The following GALNT9 variants were observed in gnomAD, a reference collection of about 807,000 sequenced individuals.
The protein encoded by GALNT9 is GalNAc transferase 9.
GALNT9 carries 47 observed loss-of-function variants against 63.1 expected under a neutral mutation model. The ratio of observed to expected loss-of-function variants is 0.75; its 90% confidence interval spans 0.59 to 0.95. The LOEUF is 0.95. GALNT9 is among the 40% of genes least tolerant of loss of function. The pLI is 0.00. For missense variants in GALNT9, 829 were observed against 874.8 expected, an observed-to-expected ratio of 0.95 and a Z score of 0.66; for synonymous variants, 396 against 365.7, an observed-to-expected ratio of 1.08 and a Z score of -0.94.
In GALNT9 at chr12:132,316,415, T is replaced by C. The variant is rs905683180; in HGVS notation, c.238+12551A>G. On this transcript the variant is annotated intron_variant, in intron 1 of 10. Transcript: ENST00000328957. This position sits in a 1 kb window ranked among gnomAD's most constrained non-coding sequence, Gnocchi z 4.3. ...TCCTTTAAAAATCTATTTAGTGCTA[T>C]AGCTTCACTAAAAAAGGAAAAAGAA... Among the ~76,000 whole-genome samples the C allele has an allele frequency of 2.6e-5, 4 of 152,142 alleles. No homozygotes were observed. The highest frequency in any genetic ancestry group is 1.3e-4 in the Admixed American group (2 of 15,284).
intron 1 of GALNT9, among the ~76,000 whole-genome samples, chr12:132,322,953 C>T (rs1555246263): frequency 6.6e-6 from 1 of 152,188 alleles, no homozygotes; most frequent in Non-Finnish European, 1.5e-5. Context: ...AAGCCCAGGC[C>T]ACAGGGGCAC....
intron 9 of GALNT9, among the ~76,000 whole-genome samples, chr12:132,198,272 G>A (rs943457312): frequency 2.0e-5 from 3 of 152,268 alleles, no homozygotes; most frequent in Non-Finnish European, 4.4e-5. Flanking sequence ...GTTTCGGGGA[G>A]GACAGGAGTT....
chr12:132,299,827 C>T (rs1881223414), intron 1 of GALNT9, among the ~76,000 whole-genome samples: 1 of 139,978 alleles, frequency 7.1e-6, no homozygotes, highest in Non-Finnish European at 1.5e-5. Flanking sequence ...TCCCACCACA[C>T]CTAACCCACC....
At chr12:132,321,957 A>G (rs1555246186) in intron 1 of GALNT9, among the ~76,000 whole-genome samples, 1 of 66,858 alleles carries the variant, frequency 1.5e-5, no homozygotes, top group Non-Finnish European at 3.0e-5. Flanking sequence ...GGCCCCCTGC[A>G]CCACCCCAGC....
chr12:132,328,517 C>T (rs1555246683), intron 1 of GALNT9, among the ~76,000 whole-genome samples: 1 of 152,212 alleles, frequency 6.6e-6, no homozygotes, highest in Non-Finnish European at 1.5e-5. Context: ...ACTGCACCAG[C>T]AGCCTCCCAA....
Position 132,197,962 on chromosome 12 carries a change from G to A in GALNT9, c.1498-3C>T, listed in dbSNP as rs1280605486. The A allele has an allele frequency of 1.2e-6, 2 of 1,605,020 alleles. No homozygotes were observed. The highest frequency in any genetic ancestry group is 2.7e-5 in the African/African-American group (2 of 74,836). ...CCATCAGCGCTGTACCGCACCAGCT[G>A]GGGACAGGACCACCGGGACTGTGTG... On this transcript the variant is annotated splice_polypyrimidine_tract_variant and splice_region_variant and intron_variant, in intron 9 of 10. Transcript: ENST00000328957.
In GALNT9 at chr12:132,197,775, C is replaced by A; in HGVS notation, c.1665+17G>T. 2.6e-6 allele frequency: 4 copies of A among 1,530,546 alleles called. No individual in the cohort carries two copies. Among genetic ancestry groups the A allele is most frequent in the Non-Finnish European group, 3.5e-6 (4 of 1,127,916 alleles). The allele number at this position is 1,530,546 out of a possible 1,614,324, so 94.8% of individuals were successfully genotyped here. A position where few individuals can be genotyped will look rare whatever the true frequency, so the allele number is the denominator to read the frequency against. ...GCCCCGCCCCAACCCCACGGCCCCC[C>A]TTCCCCAGAGGCTGACCTGGGTGAA... On this transcript the variant is annotated intron_variant, in intron 10 of 10. Transcript: ENST00000328957.
rs1170634147 is a variant in GALNT9, at chr12:132,238,093, G to T, written c.1077+9817C>A. ...CGTGTGTTTCCTGTGGCTGCCGTCC[G>T]CCACGAATTCCACAGCTCGGTGGCT... On this transcript the variant is annotated intron_variant, in intron 6 of 10. Coordinates refer to ENST00000328957, the MANE Select transcript of GALNT9 (RefSeq NM_001122636.2). This position sits in a 1 kb window ranked among gnomAD's most constrained non-coding sequence, Gnocchi z 6.5. Among the ~76,000 whole-genome samples, 1 of 152,196 alleles carries T rather than the reference G, an allele frequency of 6.6e-6. No homozygotes were observed.
At chr12:132,199,309 G>T in intron 8 of GALNT9, 40 bp from the exon 9 acceptor site, 1 of 1,464,656 alleles carries the variant, frequency 6.8e-7, no homozygotes, top group Non-Finnish European at 9.5e-7. Flanking sequence ...AGAGTCACCC[G>T]AGGGTGCGGC....
At chr12:132,321,549 C>CCT (rs1208583497) in intron 1 of GALNT9, among the ~76,000 whole-genome samples, 2 of 152,190 alleles carry the variant, frequency 1.3e-5, no homozygotes, top group African/African-American at 2.4e-5. Context: ...CTGGCAGCCC[C>CCT]CTGCCCTAGC....
chr12:132,271,323 C>G (rs797025778), intron 2 of GALNT9, among the ~76,000 whole-genome samples: 1 of 152,168 alleles, frequency 6.6e-6, no homozygotes, highest in Non-Finnish European at 1.5e-5. Context: ...CGCTGCCACG[C>G]CCCGCCCGGC....
chr12:132,251,619 G>A (rs1166458084), intron 5 of GALNT9, among the ~76,000 whole-genome samples: 3 of 152,344 alleles, frequency 2.0e-5, no homozygotes, highest in Admixed American at 6.5e-5. Flanking sequence ...CCTGTTCTTT[G>A]TTCCTCGGGT....
rs1294431224 is a variant in GALNT9, at chr12:132,282,136, C to T, written c.419+4114G>A. Among the ~76,000 whole-genome samples, 1 of 147,436 alleles carries T rather than the reference C, an allele frequency of 6.8e-6. No homozygotes were observed. The highest frequency in any genetic ancestry group is 1.5e-5 in the Non-Finnish European group (1 of 66,678). On this transcript the variant is annotated intron_variant, in intron 2 of 10. Coordinates refer to ENST00000328957, the MANE Select transcript of GALNT9 (RefSeq NM_001122636.2). This position sits in a 1 kb window ranked among gnomAD's most constrained non-coding sequence, Gnocchi z 4.5. ...ACAGCAAGGCCAGGCCTGGGGGTCCCCGATCCCACAGAGGAGGAATCAGCT... is the reference window on the plus strand; with the variant it reads ...ACAGCAAGGCCAGGCCTGGGGGTCCTCGATCCCACAGAGGAGGAATCAGCT...
rs1868679808 is a variant in GALNT9, at chr12:132,319,482, C to T, written c.238+9484G>A. On this transcript the variant is annotated intron_variant, in intron 1 of 10. Transcript: ENST00000328957. The surrounding 1 kb of genome is among the most constrained non-coding windows in gnomAD (Gnocchi z 5.2). ...GGTCTCTGCACTCAGGCCAAAGGACCCCACCCAGCTTCCCGGGCCTGCAGC... is the reference window on the plus strand; with the variant it reads ...GGTCTCTGCACTCAGGCCAAAGGACTCCACCCAGCTTCCCGGGCCTGCAGC... Among the ~76,000 whole-genome samples the T allele has an allele frequency of 6.6e-6, 1 of 152,112 alleles. No individual in the cohort carries two copies.
Position 132,252,677 on chromosome 12 carries a change from G to A in GALNT9, c.960-4650C>T, listed in dbSNP as rs1312235051. On this transcript the variant is annotated intron_variant, in intron 5 of 10. Transcript: ENST00000328957. This position sits in a 1 kb window ranked among gnomAD's most constrained non-coding sequence, Gnocchi z 5.2. The stretch of plus-strand genomic sequence containing the variant: ...GCGGATCACCTGAGGTCGGGAGTTC[G>A]AGACCAGCCTGACCAACATGGAGAA... Among the ~76,000 whole-genome samples the A allele has an allele frequency of 1.3e-5, 2 of 152,030 alleles. No homozygotes were observed. The highest frequency in any genetic ancestry group is 2.9e-5 in the Non-Finnish European group (2 of 67,990).
chr12:132,237,116 CTG>C (rs1344338359), intron 6 of GALNT9, among the ~76,000 whole-genome samples: 14 of 152,144 alleles, frequency 9.2e-5, no homozygotes, highest in Non-Finnish European at 1.9e-4. Flanking sequence ...TCTCTCGGGA[CTG>C]TGGCTGCTGA....
chr12:132,323,812 G>A (rs1868910885), intron 1 of GALNT9, among the ~76,000 whole-genome samples: 1 of 152,242 alleles, frequency 6.6e-6, no homozygotes, highest in African/African-American at 2.4e-5. Context: ...AACCTCGGCC[G>A]GGGCGGGGGC....
chr12:132,269,974 G>C (rs960625811), intron 2 of GALNT9, among the ~76,000 whole-genome samples: 2 of 152,332 alleles, frequency 1.3e-5, no homozygotes, highest in Non-Finnish European at 2.9e-5. Context: ...GGCACCCCCA[G>C]GTGACTTCGG....
intron 6 of GALNT9, among the ~76,000 whole-genome samples, chr12:132,211,662 T>G (rs1593066332): frequency 2.0e-5 from 3 of 152,196 alleles, no homozygotes. Flanking sequence ...ATTCTCTCTG[T>G]GAAAGGCAGC....
Sources: allele counts gnomAD v4.1 joint callset (sites outside exome capture counted in the v4.1 genomes callset), GRCh38; gene constraint gnomAD v4.1.1; non-coding constraint Gnocchi (gnomAD v3.1); transcripts MANE v1.5; gene names NCBI Gene and HGNC (gene_info 2026-07-23, HGNC 2026-07-21).